MGAT4C: variants seen among roughly 807,000 people sequenced by gnomAD.
The protein encoded by MGAT4C is MGAT4 family member C.
A neutral mutation model predicts 40.1 loss-of-function variants in MGAT4C; 19 were observed. The observed-to-expected ratio is 0.47, with a 90% CI of 0.33 to 0.70. The LOEUF is 0.70. Ranked by LOEUF, MGAT4C falls within the 30% of genes least tolerant of loss-of-function variation. The pLI is 0.02. For synonymous variants in MGAT4C, 181 were observed against 187.1 expected (o/e 0.97, Z 0.27); for missense variants, 491 against 563.2 (o/e 0.87, Z 1.30).
Position 86,067,789 on chromosome 12 carries a change from C to A in MGAT4C, c.-56-18066G>T, listed in dbSNP as rs139485849. 7.6e-3 allele frequency among the ~76,000 whole-genome samples: 1,153 copies of A among 152,228 alleles called. 13 individuals carry two copies. The highest frequency in any genetic ancestry group is 0.026 in the African/African-American group (1,075 of 41,540). ...ATATTTCATTTTTGATGACATTAGA[C>A]CATCTTTTTCATCAACATAAGGCAT... On this transcript the variant is annotated intron_variant, in intron 1 of 4. Coordinates refer to ENST00000611864, the MANE Select transcript of MGAT4C (RefSeq NM_001351288.2).
intron 4 of MGAT4C, among the ~76,000 whole-genome samples, chr12:86,326,166 T>C (rs1264647013): frequency 2.0e-5 from 3 of 151,966 alleles, no homozygotes; most frequent in Non-Finnish European, 4.4e-5. Context: ...GGCCAACAAA[T>C]ATTTATTTTT....
chr12:86,287,786 C>T (rs909540147), intron 4 of MGAT4C, among the ~76,000 whole-genome samples: 15 of 152,138 alleles, frequency 9.9e-5, no homozygotes, highest in Admixed American at 3.3e-4. Flanking sequence ...TCTTTGCTAT[C>T]GTGAGCAATG....
At position 86,304,685 on chromosome 12, in the gene MGAT4C, G is replaced by A. The variant is rs1049091336; in HGVS notation, c.-57+29380C>T. Among the ~76,000 whole-genome samples, 3 of 150,672 alleles carry A rather than the reference G, an allele frequency of 2.0e-5. 1 individual carries two copies. Among genetic ancestry groups the A allele is most frequent in the African/African-American group, 7.5e-5 (3 of 40,094 alleles). ...GACCTTACCTGAAAATAAGTTCTTT[G>A]TAGATTTTAATAAGGTTAAGATGAG... is the stretch of plus-strand genomic sequence containing the variant. On this transcript the variant is annotated intron_variant, in intron 4 of 7. Coordinates refer to the MGAT4C transcript ENST00000548651.
intron 2 of MGAT4C, among the ~76,000 whole-genome samples, chr12:86,437,888 C>T (rs1212129542): frequency 6.6e-6 from 1 of 151,886 alleles, no homozygotes; most frequent in East Asian, 1.9e-4. Context: ...AGCTGTTACT[C>T]ATCTTTCTTC....
chr12:86,008,551 A>AT, intron 2 of MGAT4C, among the ~76,000 whole-genome samples: 1 of 152,104 alleles, frequency 6.6e-6, no homozygotes, highest in South Asian at 2.1e-4. Context: ...GAGTTTTAAT[A>AT]TTTTTTTCCA....
intron 1 of MGAT4C, among the ~76,000 whole-genome samples, chr12:86,195,490 C>T (rs1949768243): frequency 6.6e-6 from 1 of 152,088 alleles, no homozygotes; most frequent in Non-Finnish European, 1.5e-5. Context: ...TACAAGCTTT[C>T]AATTCTTTGC....
intron 2 of MGAT4C, among the ~76,000 whole-genome samples, chr12:86,708,185 T>G (rs912040963): frequency 3.9e-5 from 6 of 152,188 alleles, no homozygotes; most frequent in Non-Finnish European, 7.3e-5. Flanking sequence ...AGGGACTTGG[T>G]GCCCTGCATC....
intron 1 of MGAT4C, among the ~76,000 whole-genome samples, chr12:86,826,700 C>T (rs1254490675): frequency 6.6e-6 from 1 of 151,162 alleles, no homozygotes; most frequent in Non-Finnish European, 1.5e-5. Context: ...AGTTCATGTA[C>T]TTGAGTGCAT....
rs200783703 is a variant in MGAT4C, at chr12:86,500,516, T to TAATAC, written c.-228-65252_-228-65251insGTATT. On this transcript the variant is annotated intron_variant, in intron 2 of 7. Coordinates refer to the MGAT4C transcript ENST00000548651. ...AAAATTTCTTTTGAAAGGCAAAATA[T>TAATAC]AAGTGACATAGTAAAATAGAGAAGA... Among the ~76,000 whole-genome samples the TAATAC allele has an allele frequency of 1.7e-3, 264 of 151,982 alleles. 2 individuals carry two copies. Among genetic ancestry groups the TAATAC allele is most frequent in the African/African-American group, 6.0e-3 (250 of 41,518 alleles).
At chr12:86,328,864 G>C (rs2136170802) in intron 4 of MGAT4C, among the ~76,000 whole-genome samples, 1 of 152,108 alleles carries the variant, frequency 6.6e-6, no homozygotes, top group South Asian at 2.1e-4. Flanking sequence ...TCAGCACTTT[G>C]GGAAGCCAAG....
At chr12:86,207,615 T>C (rs1030897426) in intron 1 of MGAT4C, among the ~76,000 whole-genome samples, 6 of 152,232 alleles carry the variant, frequency 3.9e-5, no homozygotes, top group South Asian at 2.1e-4. Context: ...AAAAAAAAGA[T>C]TTGCTGACAC....
At chr12:86,523,254 G>T (rs543636929) in intron 2 of MGAT4C, among the ~76,000 whole-genome samples, 14 of 151,988 alleles carry the variant, frequency 9.2e-5, no homozygotes, top group African/African-American at 3.4e-4. Context: ...TCTTAATACT[G>T]CCTTTGCTGT....
chr12:86,028,421 C>T lies in MGAT4C; in HGVS notation c.-7+21253G>A, dbSNP rs558976214. On this transcript the variant is annotated intron_variant, in intron 2 of 4. Transcript: ENST00000611864. Reference sequence around the variant, plus strand: ...GAAGTGATCAACACTTTTTTGGGGTCTGGTGTCTAACTTGTAGTTTGTCCA... The same window carrying T: ...GAAGTGATCAACACTTTTTTGGGGTTTGGTGTCTAACTTGTAGTTTGTCCA... Among the ~76,000 whole-genome samples the T allele has an allele frequency of 1.6e-4, 25 of 151,870 alleles. 1 individual carries two copies. Among genetic ancestry groups the T allele is most frequent in the African/African-American group, 5.8e-4 (24 of 41,488 alleles).
chr12:86,507,056 C>T (rs575047386), intron 2 of MGAT4C, among the ~76,000 whole-genome samples: 7 of 151,888 alleles, frequency 4.6e-5, no homozygotes, highest in South Asian at 4.2e-4. Flanking sequence ...GTCAGGTGGT[C>T]GACATACAAT....
At chr12:86,428,835 T>G (rs1956979716) in intron 3 of MGAT4C, among the ~76,000 whole-genome samples, 1 of 152,058 alleles carries the variant, frequency 6.6e-6, no homozygotes, top group South Asian at 2.1e-4. Context: ...CATTTCTGAT[T>G]TTATTTGAGT....
intron 4 of MGAT4C, among the ~76,000 whole-genome samples, chr12:86,315,901 A>C (rs1426355476): frequency 6.6e-6 from 1 of 151,868 alleles, no homozygotes; most frequent in South Asian, 2.1e-4. Flanking sequence ...CGATTAACAG[A>C]GTACACAGAT....
intron 2 of MGAT4C, among the ~76,000 whole-genome samples, chr12:86,630,446 C>T (rs528075612): frequency 6.6e-6 from 1 of 151,836 alleles, no homozygotes; most frequent in African/African-American, 2.4e-5. Context: ...CAGAGACACA[C>T]AAAAAAAGAG....
chr12:85,960,497 T>C lies in MGAT4C; in HGVS notation c.*18792A>G, dbSNP rs1377040278. 6.6e-6 allele frequency: 1 copy of C among 152,070 alleles called. No individual in the cohort carries two copies. The highest frequency in any genetic ancestry group is 6.6e-5 in the Admixed American group (1 of 15,256). The allele number at this position is 152,070 out of a possible 1,614,324, so 9.4% of individuals were successfully genotyped here. A position where few individuals can be genotyped will look rare whatever the true frequency, so the allele number is the denominator to read the frequency against. On this transcript the variant is annotated 3_prime_UTR_variant, in exon 5 of 5. Coordinates refer to ENST00000611864, the MANE Select transcript of MGAT4C (RefSeq NM_001351288.2). ...AAAATGTAAAACAACAATTAGCATG[T>C]GACATGCTCTCAGCAAATCAATTAA...
chr12:86,765,115 T>A (rs1035881153), intron 1 of MGAT4C, among the ~76,000 whole-genome samples: 2 of 151,622 alleles, frequency 1.3e-5, no homozygotes, highest in African/African-American at 4.8e-5. Context: ...TTAAAAACTT[T>A]AAAAAAAAAT....
Sources: gnomAD v4.1 joint callset for allele counts (sites outside exome capture counted in the v4.1 genomes callset) on GRCh38, gnomAD v4.1.1 for gene constraint, MANE v1.5 for transcripts, NCBI Gene and HGNC (gene_info 2026-07-23, HGNC 2026-07-21) for gene names.